The following NTSR1 variants were observed in gnomAD, a reference collection of about 807,000 sequenced individuals.
NTSR1 encodes neurotensin receptor 1.
A neutral mutation model predicts 31.2 loss-of-function variants in NTSR1; 29 were observed. That is an observed-to-expected ratio of 0.93 (90% CI 0.69 to 1.27). The LOEUF is 1.27. Ranked by LOEUF, NTSR1 falls within the 50% of genes most tolerant of loss-of-function variation. NTSR1 has a pLI of 0.00. For synonymous variants in NTSR1, 282 were observed against 269.9 expected (o/e 1.04, Z -0.44); for missense variants, 697 against 595.4 (o/e 1.17, Z -1.78).
intron 1 of NTSR1, among the ~76,000 whole-genome samples, chr20:62,717,112 C>A (rs781252855): frequency 2.6e-5 from 4 of 152,224 alleles, no homozygotes; most frequent in Non-Finnish European, 4.4e-5. Flanking sequence ...CACCCTGGTG[C>A]CCACTGCTCT....
intron 1 of NTSR1, among the ~76,000 whole-genome samples, chr20:62,726,321 T>C (rs1988906050): frequency 6.6e-6 from 1 of 152,204 alleles, no homozygotes; most frequent in Non-Finnish European, 1.5e-5. Context: ...CCTGCGTCTG[T>C]CAATGGAACT....
At chr20:62,728,859 C>T (rs1320224392) in intron 1 of NTSR1, among the ~76,000 whole-genome samples, 9 of 152,142 alleles carry the variant, frequency 5.9e-5, no homozygotes, top group Admixed American at 4.6e-4. Flanking sequence ...GTGGAGTCCT[C>T]GCTCCAGACA....
chr20:62,710,809 G>T (rs1013334515), intron 1 of NTSR1, among the ~76,000 whole-genome samples: 1 of 152,170 alleles, frequency 6.6e-6, no homozygotes, highest in Non-Finnish European at 1.5e-5. Context: ...AGTCAGGGCC[G>T]GTCGGGAACT....
intron 1 of NTSR1, 119 bp from the exon 2 acceptor site, chr20:62,754,566 T>C: frequency 1.2e-6 from 1 of 823,948 alleles, no homozygotes. Flanking sequence ...TGAACTTGTG[T>C]TGACTGAGCA....
chr20:62,749,285 CA>C (rs1165007550), intron 1 of NTSR1, among the ~76,000 whole-genome samples: 2 of 152,046 alleles, frequency 1.3e-5, no homozygotes, highest in Admixed American at 1.3e-4. Flanking sequence ...ACTAAAAATA[CA>C]AAAAATTAGC....
rs1375955202 is a variant in NTSR1, at chr20:62,709,586, T to G, written c.379T>G (p.Phe127Val). The G allele has an allele frequency of 3.1e-6, 5 of 1,611,596 alleles. No homozygotes were observed. Among genetic ancestry groups the G allele is most frequent in the Non-Finnish European group, 4.2e-6 (5 of 1,179,886 alleles). The change falls in exon 1 of 4, where the codon TTC becomes GTC. Residue 127 changes from phenylalanine (F) to valine (V), a missense_variant. Coordinates refer to ENST00000370501, the MANE Select transcript of NTSR1 (RefSeq NM_002531.3). ...LLAMPVELYN[F>V]IWVHHPWAFG... ...GGCCATGCCCGTGGAGCTGTACAAC[T>G]TCATCTGGGTGCACCACCCCTGGGC...
rs1988574515 is a variant in NTSR1 at position 62,709,927 on chromosome 20, C to T, written c.714+6C>T. 1 of 1,574,774 alleles carries T rather than the reference C, an allele frequency of 6.4e-7. No homozygotes were observed. Among genetic ancestry groups the T allele is most frequent in the African/African-American group, 1.4e-5 (1 of 73,904 alleles). On this transcript the variant is annotated splice_donor_region_variant and intron_variant, in intron 1 of 3. Transcript: ENST00000370501. Reference sequence around the variant, plus strand: ...CCGTCAAGGTCGTCATACAGGTGAGCCTCAGTAACCAGCCCCGGGGCTCCC... The same window carrying T: ...CCGTCAAGGTCGTCATACAGGTGAGTCTCAGTAACCAGCCCCGGGGCTCCC...
chr20:62,727,846 T>C (rs1026806142), intron 1 of NTSR1, among the ~76,000 whole-genome samples: 1 of 152,012 alleles, frequency 6.6e-6, no homozygotes, highest in African/African-American at 2.4e-5. Flanking sequence ...CGGGTATGGG[T>C]GCCATGGCAA....
At chr20:62,737,474 G>A (rs1031626876) in intron 1 of NTSR1, among the ~76,000 whole-genome samples, 9 of 152,240 alleles carry the variant, frequency 5.9e-5, no homozygotes, top group African/African-American at 1.4e-4. Flanking sequence ...CAGGCACAGC[G>A]GCAGGCACGT....
At chr20:62,710,325 G>A (rs117139035) in intron 1 of NTSR1, among the ~76,000 whole-genome samples, 7 of 152,194 alleles carry the variant, frequency 4.6e-5, no homozygotes, top group Non-Finnish European at 7.3e-5. Context: ...TGGCTCTGCC[G>A]GTGCCTCCCA....
intron 3 of NTSR1, among the ~76,000 whole-genome samples, chr20:62,759,307 G>A (rs1989568425): frequency 6.6e-6 from 1 of 152,160 alleles, no homozygotes; most frequent in South Asian, 2.1e-4. Flanking sequence ...AACAAGCTGA[G>A]GGCAAGGTGT....
chr20:62,746,859 C>A (rs184164508), intron 1 of NTSR1, among the ~76,000 whole-genome samples: 24 of 152,358 alleles, frequency 1.6e-4, no homozygotes, highest in Non-Finnish European at 2.8e-4. Context: ...GAATTAACAC[C>A]AGTCCTTATA....
Position 62,741,599 on chromosome 20 carries a change from G to C in NTSR1, c.715-13086G>C, listed in dbSNP as rs1007967544. ...GCATTGTCCATGGTACTGAACCCCT[G>C]AGGCTCCCTGGGGCTCTGGCATTCT... On this transcript the variant is annotated intron_variant, in intron 1 of 3. Coordinates refer to ENST00000370501, the MANE Select transcript of NTSR1 (RefSeq NM_002531.3). The surrounding 1 kb of genome is among the most constrained non-coding windows in gnomAD (Gnocchi z 4.3). 7.4e-5 allele frequency among the ~76,000 whole-genome samples: 11 copies of C among 149,586 alleles called. 1 individual carries two copies. The highest frequency in any genetic ancestry group is 1.0e-4 in the African/African-American group (4 of 40,078).
At chr20:62,756,133 C>T (rs1278254277) in intron 2 of NTSR1, among the ~76,000 whole-genome samples, 1 of 151,936 alleles carries the variant, frequency 6.6e-6, no homozygotes, top group Admixed American at 6.6e-5. Flanking sequence ...CCACCAAGGA[C>T]ACAAACACAG....
At chr20:62,735,884 A>T (rs1408904460) in intron 1 of NTSR1, among the ~76,000 whole-genome samples, 1 of 152,176 alleles carries the variant, frequency 6.6e-6, no homozygotes, top group African/African-American at 2.4e-5. Flanking sequence ...GTTGCCAAGA[A>T]CAGTTCCCCT....
intron 1 of NTSR1, among the ~76,000 whole-genome samples, chr20:62,725,592 C>T (rs543540432): frequency 4.1e-4 from 63 of 152,340 alleles, no homozygotes; most frequent in African/African-American, 8.2e-4. Flanking sequence ...CATCTGTCCA[C>T]GCCTCATCTG....
intron 1 of NTSR1, among the ~76,000 whole-genome samples, chr20:62,720,021 C>G (rs542998236): frequency 6.7e-4 from 102 of 152,216 alleles, no homozygotes; most frequent in African/African-American, 2.3e-3. Context: ...TCAAAGAAAC[C>G]AGGTGTAGTG....
intron 1 of NTSR1, among the ~76,000 whole-genome samples, chr20:62,720,650 A>G (rs1988814838): frequency 6.6e-6 from 1 of 151,166 alleles, no homozygotes; most frequent in African/African-American, 2.4e-5. Flanking sequence ...ATTTATTTAT[A>G]TTTCTTTCTT....
At chr20:62,721,249 C>G (rs1220467651) in intron 1 of NTSR1, among the ~76,000 whole-genome samples, 1 of 152,028 alleles carries the variant, frequency 6.6e-6, no homozygotes, top group Non-Finnish European at 1.5e-5. Flanking sequence ...AGAGAGTTAC[C>G]TTTACCTCAA....
Sources: allele counts gnomAD v4.1 joint callset (sites outside exome capture counted in the v4.1 genomes callset), GRCh38; gene constraint gnomAD v4.1.1; non-coding constraint Gnocchi (gnomAD v3.1); transcripts MANE v1.5; gene names NCBI Gene and HGNC (gene_info 2026-07-23, HGNC 2026-07-21).